The following COX5A variants were observed in gnomAD, a reference collection of about 807,000 sequenced individuals.
The protein encoded by COX5A is cytochrome c oxidase subunit 5A.
In COX5A, 6 loss-of-function variants were observed where a neutral mutation model predicts 16.1. The ratio of observed to expected loss-of-function variants is 0.37; its 90% CI spans 0.20 to 0.73. The LOEUF (loss-of-function observed/expected upper bound fraction) is 0.73, where lower values mean the gene tolerates loss of function less well. Among genes scored for constraint, COX5A ranks in the 30% least tolerant of loss-of-function variants. The pLI is 0.50. For synonymous variants in COX5A, 73 were observed against 73.8 expected (o/e 0.99, Z 0.06); for missense variants, 159 against 194.9 (o/e 0.82, Z 1.10).
At chr15:74,928,454 G>A (rs1183505639) in intron 2 of COX5A, among the ~76,000 whole-genome samples, 6 of 151,564 alleles carry the variant, frequency 4.0e-5, no homozygotes, top group African/African-American at 7.3e-5. Flanking sequence ...GCGCGATCTC[G>A]GCTCACTGCA....
chr15:74,933,421 ATCTATCTATCT>A (rs1566981935), intron 1 of COX5A, among the ~76,000 whole-genome samples: 14 of 57,714 alleles, frequency 2.4e-4, no homozygotes, highest in African/African-American at 1.1e-3. Context: ...AAAAAAAAAT[ATCTATCTATCT>A]ATCTATCTAT....
At chr15:74,923,291 G>C (rs1218411613) in intron 4 of COX5A, among the ~76,000 whole-genome samples, 1 of 152,092 alleles carries the variant, frequency 6.6e-6, no homozygotes, top group East Asian at 1.9e-4. Context: ...AGTTGTGGTG[G>C]CATGTGGCCT....
chr15:74,928,216 T>C (rs528197046), intron 2 of COX5A, among the ~76,000 whole-genome samples: 1 of 152,286 alleles, frequency 6.6e-6, no homozygotes, highest in Non-Finnish European at 1.5e-5. Flanking sequence ...ATGAGATAAA[T>C]TACCCTACAC....
intron 4 of COX5A, among the ~76,000 whole-genome samples, chr15:74,922,654 CAAGTT>C (rs2065326290): frequency 2.0e-5 from 3 of 150,490 alleles, no homozygotes; most frequent in African/African-American, 7.4e-5. Context: ...TGCTGCCAGC[CAAGTT>C]GAGTCTTTTT....
intron 1 of COX5A, among the ~76,000 whole-genome samples, chr15:74,932,147 GGTAA>G (rs1339138169): frequency 6.6e-6 from 1 of 152,120 alleles, no homozygotes; most frequent in Admixed American, 6.6e-5. Flanking sequence ...ACTATGCACT[GGTAA>G]GTATTAAACA....
intron 1 of COX5A, among the ~76,000 whole-genome samples, chr15:74,931,121 C>T (rs1331230443): frequency 2.0e-5 from 3 of 148,328 alleles, no homozygotes; most frequent in Non-Finnish European, 3.0e-5. Context: ...TATCAAACTA[C>T]AGCCCCTTCC....
intron 1 of COX5A, among the ~76,000 whole-genome samples, chr15:74,929,628 T>A (rs1263931150): frequency 1.3e-5 from 2 of 152,172 alleles, no homozygotes; most frequent in Non-Finnish European, 2.9e-5. Flanking sequence ...GTGGGCATAG[T>A]GGGGCACACA....
chr15:74,937,757 C>G (rs1020797020), intron 1 of COX5A, 158 bp downstream of exon 1: 4 of 425,098 alleles, frequency 9.4e-6, no homozygotes, highest in African/African-American at 8.2e-5. Context: ...AGGTCCTCCA[C>G]TACTCGAGGC....
intron 4 of COX5A, 68 bp from the exon 5 acceptor site, chr15:74,920,510 A>T (rs1218114878): frequency 1.5e-6 from 1 of 671,456 alleles, no homozygotes. Context: ...TTTAAAAATA[A>T]CCCTTAGTGC....
chr15:74,932,931 C>T (rs1032600345), intron 1 of COX5A, among the ~76,000 whole-genome samples: 10 of 151,520 alleles, frequency 6.6e-5, no homozygotes. Flanking sequence ...CTCTTGACCT[C>T]ATGATCTGCC....
chr15:74,933,419 ATATCTATCTATCTATCTATCTATC>A (rs56686416), intron 1 of COX5A, among the ~76,000 whole-genome samples: 5 of 143,502 alleles, frequency 3.5e-5, no homozygotes, highest in Middle Eastern at 3.6e-3. Context: ...AAAAAAAAAA[ATATCTATCTATCTATCTATCTATC>A]TATCTATCTA....
chr15:74,936,220 C>T (rs1383127070), intron 1 of COX5A, among the ~76,000 whole-genome samples: 1 of 151,888 alleles, frequency 6.6e-6, no homozygotes, highest in South Asian at 2.1e-4. Context: ...GAGCCAAGAC[C>T]GTGCTATTGC....
At chr15:74,928,475 C>T (rs1034427492) in intron 2 of COX5A, among the ~76,000 whole-genome samples, 1 of 152,014 alleles carries the variant, frequency 6.6e-6, no homozygotes, top group Non-Finnish European at 1.5e-5. Flanking sequence ...AGCTCTGCCT[C>T]CCGGGTTCAC....
At chr15:74,934,994 T>G (rs1761575364) in intron 1 of COX5A, among the ~76,000 whole-genome samples, 1 of 152,134 alleles carries the variant, frequency 6.6e-6, no homozygotes, top group Non-Finnish European at 1.5e-5. Context: ...CTAACATATA[T>G]AGAAAAATAA....
At chr15:74,923,596 C>T in intron 4 of COX5A, 52 bp downstream of exon 4, 1 of 1,063,492 alleles carries the variant, frequency 9.4e-7, no homozygotes, top group Non-Finnish European at 1.5e-6. Context: ...ATGTCATCCA[C>T]CCACACCTCT....
At position 74,919,832 on chromosome 15, in the gene COX5A, ACAAAG is replaced by A. The variant is rs2065312552; in HGVS notation, c.*615_*619del. On this transcript the variant is annotated 3_prime_UTR_variant, in exon 5 of 5. Transcript: ENST00000322347. ...GTTTAATCAGAATGCCTCCAAATTT[ACAAAG>A]CAAATGTTTTAATGTCCAAGGCTAA... The A allele has an allele frequency of 6.6e-6, 1 of 152,330 alleles. No individual in the cohort carries two copies. The highest frequency in any genetic ancestry group is 2.4e-5 in the African/African-American group (1 of 41,452). The allele number at this position is 152,330 out of a possible 1,614,324, so 9.4% of individuals were successfully genotyped here. A position where few individuals can be genotyped will look rare whatever the true frequency, so the allele number is the denominator to read the frequency against.
At chr15:74,929,375 G>A in intron 1 of COX5A, 143 bp from the exon 2 acceptor site, 1 of 585,174 alleles carries the variant, frequency 1.7e-6, no homozygotes, top group Non-Finnish European at 3.1e-6. Flanking sequence ...CGTATACATT[G>A]ATACAGAAAG....
chr15:74,926,789 C>T lies in COX5A; in HGVS notation c.316G>A (p.Val106Ile), dbSNP rs754834730. Residue 106 changes from valine (V) to isoleucine (I), a missense_variant, in exon 3 of 5, where the codon GTT becomes ATT. By Grantham distance (29) the Val-to-Ile change is conservative. Coordinates refer to ENST00000322347, the MANE Select transcript of COX5A (RefSeq NM_004255.4). Reference sequence around the variant, plus strand: ...ACCTTAACAACCTCTAGGATACGAACTGTACTAGCAAAATCATTTAACCGT... The same window carrying T: ...ACCTTAACAACCTCTAGGATACGAATTGTACTAGCAAAATCATTTAACCGT... ...CRRLNDFASTVRILEVVKDKA... is the reference protein window; with the variant it reads ...CRRLNDFASTIRILEVVKDKA... 52 of 1,612,848 alleles carry T rather than the reference C, an allele frequency of 3.2e-5. No homozygotes were observed. The highest frequency in any genetic ancestry group is 3.3e-4 in the Middle Eastern group (2 of 6,084).
intron 1 of COX5A, among the ~76,000 whole-genome samples, chr15:74,932,722 A>C (rs1328548413): frequency 6.7e-6 from 1 of 150,318 alleles, no homozygotes; most frequent in African/African-American, 2.4e-5. Flanking sequence ...TTTGAGACAG[A>C]GTCTCACCCT....
Sources: allele counts gnomAD v4.1 joint callset (sites outside exome capture counted in the v4.1 genomes callset), GRCh38; gene constraint gnomAD v4.1.1; transcripts MANE v1.5; gene names NCBI Gene and HGNC (gene_info 2026-07-23, HGNC 2026-07-21).